CHD4: variants seen among roughly 807,000 people sequenced by gnomAD.
CHD4 encodes chromodomain helicase DNA binding protein 4.
CHD4 carries 35 observed loss-of-function variants against 235.5 expected under a neutral mutation model. The observed-to-expected ratio is 0.15, with a 90% CI of 0.11 to 0.20. CHD4 has a LOEUF of 0.20. Among genes scored for constraint, CHD4 ranks in the 10% least tolerant of loss-of-function variants. CHD4 has a pLI of 1.00. For missense variants in CHD4, 1,329 were observed against 2,432.3 expected (o/e 0.55, Z 9.54); for synonymous variants, 900 against 850.2 (o/e 1.06, Z -1.02).
chr12:6,577,924 G>A lies in CHD4; in HGVS notation c.5229-7C>T. 2.5e-6 allele frequency: 4 copies of A among 1,613,904 alleles called. No individual in the cohort carries two copies. Among genetic ancestry groups the A allele is most frequent in the Non-Finnish European group, 3.4e-6 (4 of 1,180,024 alleles). On this transcript the variant is annotated splice_region_variant and splice_polypyrimidine_tract_variant and intron_variant, in intron 36 of 39. Transcript: ENST00000544040. ...CCACCGGGCATAGCCATGGCTATTG[G>A]AAAAGTGCTCAGGAAAAACAAAACA...
chr12:6,582,559 CA>C, intron 29 of CHD4, 55 bp downstream of exon 29: 1 of 1,554,996 alleles, frequency 6.4e-7, no homozygotes. Flanking sequence ...ATGGAATGAC[CA>C]GATAGATAGC....
In CHD4 at chr12:6,596,157, A is replaced by T. The variant is rs1242363481; in HGVS notation, c.1893-20T>A. The stretch of plus-strand genomic sequence containing the variant: ...TCCACACTGCAAGTCCAGGAGAGAA[A>T]ACCCTCAGAGCCAGAAAAGGCAACC... On this transcript the variant is annotated intron_variant, in intron 12 of 39. Coordinates refer to ENST00000544040, the MANE Select transcript of CHD4 (RefSeq NM_001273.5). 1 of 1,609,834 alleles carries T rather than the reference A, an allele frequency of 6.2e-7. No individual in the cohort carries two copies. Among genetic ancestry groups the T allele is most frequent in the Non-Finnish European group, 8.5e-7 (1 of 1,178,636 alleles).
Position 6,593,278 on chromosome 12 carries a change from C to T in CHD4, c.2515-50G>A. 3 of 1,611,624 alleles carry T rather than the reference C, an allele frequency of 1.9e-6. No homozygotes were observed. Among genetic ancestry groups the T allele is most frequent in the Non-Finnish European group, 2.5e-6 (3 of 1,178,274 alleles). ...CTACTAGTCAGTTCCTCTGTGTAAG[C>T]ACAACCAGGAGACTGATGGAATGTT... On this transcript the variant is annotated intron_variant, in intron 16 of 39. Transcript: ENST00000544040. This position sits in a 1 kb window ranked among gnomAD's most constrained non-coding sequence, Gnocchi z 4.9.
intron 3 of CHD4, 67 bp downstream of exon 3, chr12:6,602,309 C>T (rs1419857120): frequency 6.2e-7 from 1 of 1,608,258 alleles, no homozygotes; most frequent in Non-Finnish European, 8.5e-7. Context: ...GCCCTCAGCC[C>T]TTCAACCCTT....
chr12:6,587,184 G>A lies in CHD4; in HGVS notation c.3879+200C>T, dbSNP rs867965736. ...ACTGTTGTGAGCATGATATTTGGTT[G>A]TAAGTTTTCTGACAACCAAGGCAAA... On this transcript the variant is annotated intron_variant, in intron 25 of 39. Transcript: ENST00000544040. 3 of 583,894 alleles carry A rather than the reference G, an allele frequency of 5.1e-6. No individual in the cohort carries two copies. In the East Asian group the frequency reaches 8.6e-5, roughly 17 times the overall value. 36.2% of individuals were successfully genotyped at this position (583,894 alleles called of 1,614,324 possible).
At chr12:6,580,715 A>AAAAAACAAAC in intron 33 of CHD4, 2 of 226,940 alleles carry the variant, frequency 8.8e-6, no homozygotes, top group Non-Finnish European at 1.6e-5. Context: ...AAAAAAAAAA[A>AAAAAACAAAC]AAAAAAAAAA....
intron 37 of CHD4, 80 bp from the exon 38 acceptor site, chr12:6,573,349 C>A: frequency 3.4e-6 from 4 of 1,193,148 alleles, no homozygotes; most frequent in Non-Finnish European, 4.5e-6. Context: ...CAGCTCACCT[C>A]TCATTGTTTC....
In CHD4 at chr12:6,593,182, A is replaced by G; in HGVS notation, c.2561T>C (p.Leu854Ser). ...CAAAATAGCCATGTCAATGGTGATC[A>G]ATTCATAGGATGTCAGCAGCACATG... The part of the protein sequence containing the change: ...KFHVLLTSYE[L>S]ITIDMAILGS... Residue 854 changes from leucine (L) to serine (S), a missense_variant, in exon 17 of 40, where the codon TTG becomes TCG. Physicochemically the swap from Leu to Ser is moderately radical, Grantham distance 145 (BLOSUM62 -2). Around this residue, in one of 26 missense-constraint regions of CHD4, gnomAD observed 78 missense variants for 174.8 expected, o/e 0.45. Transcript: ENST00000544040. This position sits in a 1 kb window ranked among gnomAD's most constrained non-coding sequence, Gnocchi z 4.9. 1 of 1,614,186 alleles carries G rather than the reference A, an allele frequency of 6.2e-7. No individual in the cohort carries two copies. Among genetic ancestry groups the G allele is most frequent in the Non-Finnish European group, 8.5e-7 (1 of 1,180,036 alleles).
At position 6,587,579 on chromosome 12, in the gene CHD4, C is replaced by G. The variant is rs1318112058; in HGVS notation, c.3704-20G>C. ...CTCCTCCTATAAAAAATCAAGGGCC[C>G]ACATCCCCAAAGTCAGTTTCAGCAG... is the stretch of plus-strand genomic sequence containing the variant. On this transcript the variant is annotated intron_variant, in intron 24 of 39. Coordinates refer to ENST00000544040, the MANE Select transcript of CHD4 (RefSeq NM_001273.5). 1 of 1,612,992 alleles carries G rather than the reference C, an allele frequency of 6.2e-7. No individual in the cohort carries two copies. Among genetic ancestry groups the G allele is most frequent in the South Asian group, 1.1e-5 (1 of 90,954 alleles).
Position 6,570,968 on chromosome 12 carries a change from G to C in CHD4, c.5622C>G (p.Thr1874=). The change falls in exon 39 of 40, where the codon ACC becomes ACG. Residue 1874 remains threonine (T), a synonymous_variant. Coordinates refer to ENST00000544040, the MANE Select transcript of CHD4 (RefSeq NM_001273.5). ...MKADVTRLPA[T]IARIPPVAVR... ...CAGCAACTGGGGGAATTCGGGCAAT[G>C]GTAGCTGGGAGTCGAGTCACATCAG... 1 of 1,614,180 alleles carries C rather than the reference G, an allele frequency of 6.2e-7. No individual in the cohort carries two copies. The highest frequency in any genetic ancestry group is 8.5e-7 in the Non-Finnish European group (1 of 1,180,040).
rs1238478842 is a variant in CHD4 at position 6,582,707 on chromosome 12, A to G, written c.4278T>C (p.Asn1426=). ...FNARQRKAFL[N]AIMRYGMPPQ... Reference sequence around the variant, plus strand: ...GTGGCATACCATATCGCATAATTGCATTAAGAAAGGCTTTTCGCTGACGAG... The same window carrying G: ...GTGGCATACCATATCGCATAATTGCGTTAAGAAAGGCTTTTCGCTGACGAG... Residue 1426 remains asparagine, a synonymous_variant, in exon 29 of 40, where the codon AAT becomes AAC. Coordinates refer to ENST00000544040, the MANE Select transcript of CHD4 (RefSeq NM_001273.5). The G allele has an allele frequency of 1.2e-6, 2 of 1,614,210 alleles. No individual in the cohort carries two copies. The highest frequency in any genetic ancestry group is 1.7e-6 in the Non-Finnish European group (2 of 1,180,038).
chr12:6,583,394 G>A lies in CHD4; in HGVS notation c.3880-16C>T. 1 of 1,594,518 alleles carries A rather than the reference G, an allele frequency of 6.3e-7. No homozygotes were observed. ...CCTCTTCCTCCTGGGACAGAGGGAGGGCCAGGACTCAGGAGTGCTGAAGTC... is the reference window on the plus strand; with the variant it reads ...CCTCTTCCTCCTGGGACAGAGGGAGAGCCAGGACTCAGGAGTGCTGAAGTC... On this transcript the variant is annotated splice_polypyrimidine_tract_variant and intron_variant, in intron 25 of 39. Transcript: ENST00000544040.
At chr12:6,597,061 C>T (rs1397279923) in intron 12 of CHD4, among the ~76,000 whole-genome samples, 1 of 146,510 alleles carries the variant, frequency 6.8e-6, no homozygotes, top group African/African-American at 2.5e-5. Flanking sequence ...CAAGGTCAGG[C>T]GATCAAGACC....
intron 25 of CHD4, among the ~76,000 whole-genome samples, chr12:6,585,996 A>G (rs530022122): frequency 2.6e-5 from 4 of 152,028 alleles, no homozygotes; most frequent in Non-Finnish European, 5.9e-5. Flanking sequence ...GCTACTTGGG[A>G]GGCTGAGGCA....
chr12:6,602,189 A>AG lies in CHD4; in HGVS notation c.223-15dup. 1.2e-6 allele frequency: 2 copies of AG among 1,613,164 alleles called. No individual in the cohort carries two copies. Among genetic ancestry groups the AG allele is most frequent in the Non-Finnish European group, 1.7e-6 (2 of 1,179,360 alleles). ...TAAGAGCATACGCTGGAGCAGGGCA[A>AG]GGGGGGAAGAGGGAGACAGACACAC... On this transcript the variant is annotated splice_polypyrimidine_tract_variant and intron_variant, in intron 3 of 39. Coordinates refer to ENST00000544040, the MANE Select transcript of CHD4 (RefSeq NM_001273.5).
At chr12:6,571,087 C>A (rs1406312324) in intron 38 of CHD4, 55 bp from the exon 39 acceptor site, 9 of 1,589,316 alleles carry the variant, frequency 5.7e-6, no homozygotes, top group South Asian at 4.6e-5. Context: ...TGAGCTCCCT[C>A]TACCCTAGTG....
chr12:6,605,954 G>C (rs1388469701), intron 2 of CHD4, among the ~76,000 whole-genome samples: 1 of 152,004 alleles, frequency 6.6e-6, no homozygotes, highest in Non-Finnish European at 1.5e-5. Flanking sequence ...AAGCCTCCAG[G>C]GGTCCCAGCT....
intron 6 of CHD4, 74 bp downstream of exon 6, chr12:6,601,215 C>T (rs530462690): frequency 1.3e-6 from 2 of 1,577,012 alleles, no homozygotes; most frequent in East Asian, 2.3e-5. Flanking sequence ...GCTGACAGAC[C>T]AGCATTCCCA....
intron 2 of CHD4, among the ~76,000 whole-genome samples, chr12:6,603,906 C>T (rs1432334948): frequency 6.6e-6 from 1 of 152,172 alleles, no homozygotes; most frequent in African/African-American, 2.4e-5. Context: ...AGCTTCCTCA[C>T]CACTCCCACC....
Sources: gnomAD v4.1 joint callset for allele counts (sites outside exome capture counted in the v4.1 genomes callset) on GRCh38, gnomAD v4.1.1 for gene constraint, gnomAD v4.1.1 regional missense constraint, Gnocchi (gnomAD v3.1) non-coding constraint, MANE v1.5 for transcripts, NCBI Gene and HGNC (gene_info 2026-07-23, HGNC 2026-07-21) for gene names.